The following TNFSF4 variants were observed in gnomAD, a reference collection of about 807,000 sequenced individuals.
TNFSF4 encodes the protein tumor necrosis factor ligand superfamily member 4.
Under a neutral mutation model 7.3 loss-of-function variants are expected in TNFSF4, and 4 were observed. That is an observed-to-expected ratio of 0.55 (90% CI 0.27 to 1.25). The LOEUF (loss-of-function observed/expected upper bound fraction) is 1.25. TNFSF4 is among the 50% of genes most tolerant of loss of function. The pLI, the probability that TNFSF4 is intolerant of heterozygous loss-of-function variation, is 0.12. For missense variants in TNFSF4, 181 were observed against 208.8 expected, an observed-to-expected ratio of 0.87 and a Z score of 0.82; for synonymous variants, 76 against 83.7, an observed-to-expected ratio of 0.91 and a Z score of 0.50.
chr1:173,245,805 T>C, the TNFSF4 span, among the ~76,000 whole-genome samples: 2 of 152,208 alleles, frequency 1.3e-5, no homozygotes, highest in Admixed American at 6.5e-5. Flanking sequence ...TGAGATCTAC[T>C]TTTTTAGATT....
chr1:173,397,308 C>T, the TNFSF4 span, among the ~76,000 whole-genome samples: 1 of 152,138 alleles, frequency 6.6e-6, no homozygotes, highest in Non-Finnish European at 1.5e-5. Flanking sequence ...AAGAAGGATC[C>T]TATTCACTAC....
the TNFSF4 span, among the ~76,000 whole-genome samples, chr1:173,313,900 T>C: frequency 1.3e-5 from 2 of 152,062 alleles, no homozygotes; most frequent in African/African-American, 4.8e-5. Context: ...TGTCTTATAA[T>C]AGGGACATTT....
At chr1:173,341,296 G>A in the TNFSF4 span, among the ~76,000 whole-genome samples, 1 of 152,204 alleles carries the variant, frequency 6.6e-6, no homozygotes, top group African/African-American at 2.4e-5. Context: ...CCACAGCAGT[G>A]TAGAAGATCA....
chr1:173,202,098 A>G (rs1557885473), intron 1 of TNFSF4, among the ~76,000 whole-genome samples: 1 of 151,664 alleles, frequency 6.6e-6, no homozygotes, highest in Non-Finnish European at 1.5e-5. Flanking sequence ...TATATATAAA[A>G]GAAGAAGAAG....
At chr1:173,372,306 A>G in the TNFSF4 span, among the ~76,000 whole-genome samples, 5 of 152,162 alleles carry the variant, frequency 3.3e-5, no homozygotes, top group South Asian at 8.3e-4. Context: ...GCCACTCCAT[A>G]CTCTAATCAA....
the TNFSF4 span, among the ~76,000 whole-genome samples, chr1:173,324,196 G>A: frequency 6.6e-6 from 1 of 152,180 alleles, no homozygotes; most frequent in African/African-American, 2.4e-5. Context: ...GAAGGGGCGG[G>A]GGGGCCAATA....
chr1:173,189,486 A>G (rs374934003), intron 1 of TNFSF4, among the ~76,000 whole-genome samples: 1 of 152,212 alleles, frequency 6.6e-6, no homozygotes, highest in South Asian at 2.1e-4. Context: ...TCTCTTCAAC[A>G]GCTTTAAAAA....
chr1:173,208,676 G>A (rs1650279211), upstream of TNFSF4, among the ~76,000 whole-genome samples: 1 of 152,110 alleles, frequency 6.6e-6, no homozygotes, highest in African/African-American at 2.4e-5. Context: ...AAACATATTT[G>A]TCATAGTTAT....
At chr1:173,190,106 C>T (rs1262928961) in intron 1 of TNFSF4, among the ~76,000 whole-genome samples, 1 of 151,584 alleles carries the variant, frequency 6.6e-6, no homozygotes, top group African/African-American at 2.4e-5. Flanking sequence ...ATCCCAGCTT[C>T]TTGGGAGGTT....
chr1:173,355,134 C>T, the TNFSF4 span, among the ~76,000 whole-genome samples: 1 of 152,190 alleles, frequency 6.6e-6, no homozygotes, highest in Non-Finnish European at 1.5e-5. Context: ...TGGCATTATT[C>T]TTACCTCTGC....
chr1:173,301,067 CCTAAGT>C, the TNFSF4 span, among the ~76,000 whole-genome samples: 1 of 151,896 alleles, frequency 6.6e-6, no homozygotes, highest in South Asian at 2.1e-4. Context: ...TTTCTTTATG[CCTAAGT>C]CTATTTATAA....
the TNFSF4 span, among the ~76,000 whole-genome samples, chr1:173,320,208 A>G: frequency 1.3e-5 from 2 of 152,230 alleles, no homozygotes; most frequent in Admixed American, 6.5e-5. Context: ...AATCAATTAC[A>G]TAAACAGGAC....
At chr1:173,318,475 G>A in the TNFSF4 span, among the ~76,000 whole-genome samples, 1 of 152,088 alleles carries the variant, frequency 6.6e-6, no homozygotes, top group Non-Finnish European at 1.5e-5. Context: ...AAGCAAGGTA[G>A]GCATTCTTAA....
chr1:173,213,624 ATTAT>A, the TNFSF4 span, among the ~76,000 whole-genome samples: 1 of 152,260 alleles, frequency 6.6e-6, no homozygotes, highest in Non-Finnish European at 1.5e-5. Context: ...AATAAATTGC[ATTAT>A]TTAAAGTGTA....
the TNFSF4 span, among the ~76,000 whole-genome samples, chr1:173,224,106 T>C: frequency 1.3e-5 from 2 of 152,214 alleles, no homozygotes; most frequent in Admixed American, 6.5e-5. Context: ...GGTAATTTAT[T>C]GTCCAAACAT....
the TNFSF4 span, among the ~76,000 whole-genome samples, chr1:173,315,947 T>C: frequency 6.6e-6 from 1 of 152,192 alleles, no homozygotes; most frequent in Non-Finnish European, 1.5e-5. Flanking sequence ...GAGCTTTTGA[T>C]TTCATATCAA....
At chr1:173,370,603 G>A in the TNFSF4 span, among the ~76,000 whole-genome samples, 1 of 152,170 alleles carries the variant, frequency 6.6e-6, no homozygotes, top group Non-Finnish European at 1.5e-5. Context: ...ACTCCCTTGA[G>A]GGTCAATTGA....
At chr1:173,367,054 C>T in the TNFSF4 span, among the ~76,000 whole-genome samples, 1 of 152,190 alleles carries the variant, frequency 6.6e-6, no homozygotes, top group Non-Finnish European at 1.5e-5. Flanking sequence ...AATTTTATGA[C>T]AAATGGTTAA....
the TNFSF4 span, among the ~76,000 whole-genome samples, chr1:173,260,273 T>C: frequency 6.6e-6 from 1 of 152,186 alleles, no homozygotes; most frequent in Non-Finnish European, 1.5e-5. Context: ...ATAAAATCCT[T>C]TTTAGACAAG....
Sources: allele counts gnomAD v4.1 joint callset (sites outside exome capture counted in the v4.1 genomes callset), GRCh38; gene constraint gnomAD v4.1.1; transcripts MANE v1.5; gene names NCBI Gene and HGNC (gene_info 2026-07-23, HGNC 2026-07-21).